Variants in PHYHIPL observed in about 807,000 individuals in gnomAD.
PHYHIPL encodes the protein phytanoyl-CoA 2-hydroxylase interacting protein like, also known as phytanoyl-CoA hydroxylase-interacting protein-like.
A neutral mutation model predicts 33.4 loss-of-function variants in PHYHIPL; 9 were observed. The observed-to-expected ratio is 0.27, with a 90% CI of 0.16 to 0.47. The LOEUF (loss-of-function observed/expected upper bound fraction) is 0.47, where lower values mean the gene tolerates loss of function less well. PHYHIPL is among the 20% of genes least tolerant of loss of function. The pLI is 0.99. For synonymous variants in PHYHIPL, 153 were observed against 154.1 expected (o/e 0.99, Z 0.05); for missense variants, 365 against 460.7 (o/e 0.79, Z 1.90).
intron 1 of PHYHIPL, among the ~76,000 whole-genome samples, chr10:59,201,036 G>GT (rs1263047735): frequency 6.6e-6 from 1 of 152,110 alleles, no homozygotes; most frequent in East Asian, 1.9e-4. Context: ...ATTTCGAAGG[G>GT]TTTTTTGTGT....
At chr10:59,208,884 A>G (rs2133234025) in intron 1 of PHYHIPL, among the ~76,000 whole-genome samples, 1 of 152,222 alleles carries the variant, frequency 6.6e-6, no homozygotes, top group East Asian at 1.9e-4. Flanking sequence ...AGAAAAAAGA[A>G]CGAAAAGGAA....
At chr10:59,185,912 T>C (rs1161786043) in intron 1 of PHYHIPL, among the ~76,000 whole-genome samples, 5 of 152,262 alleles carry the variant, frequency 3.3e-5, no homozygotes, top group Admixed American at 1.3e-4. Context: ...CCATTCTGTA[T>C]GTTGCCTGTT....
At chr10:59,231,643 A>G (rs527947911) in intron 1 of PHYHIPL, among the ~76,000 whole-genome samples, 1 of 152,270 alleles carries the variant, frequency 6.6e-6, no homozygotes, top group South Asian at 2.1e-4. Context: ...GATTTAACAC[A>G]GTACTTTCAG....
intron 1 of PHYHIPL, among the ~76,000 whole-genome samples, chr10:59,177,816 C>T (rs1483708627): frequency 6.6e-6 from 1 of 152,138 alleles, no homozygotes; most frequent in Non-Finnish European, 1.5e-5. Flanking sequence ...TGGTACAAAA[C>T]TTCATTTGTA....
intron 1 of PHYHIPL, among the ~76,000 whole-genome samples, chr10:59,204,555 T>A (rs1306991058): frequency 6.6e-6 from 1 of 152,210 alleles, no homozygotes; most frequent in African/African-American, 2.4e-5. Context: ...TTCATTCCCA[T>A]GTCAACTAGG....
intron 1 of PHYHIPL, among the ~76,000 whole-genome samples, chr10:59,194,537 CTGA>C (rs1170856241): frequency 1.3e-5 from 2 of 152,032 alleles, no homozygotes; most frequent in Non-Finnish European, 2.9e-5. Flanking sequence ...CTGTGAAATG[CTGA>C]TGTGCCATAT....
chr10:59,242,656 A>G (rs943941947), intron 4 of PHYHIPL, among the ~76,000 whole-genome samples: 4 of 152,208 alleles, frequency 2.6e-5, no homozygotes, highest in African/African-American at 2.4e-5. Context: ...CAAGAAGCAC[A>G]TACTAACACA....
chr10:59,214,789 C>G (rs1036426052), intron 1 of PHYHIPL, among the ~76,000 whole-genome samples: 5 of 151,868 alleles, frequency 3.3e-5, no homozygotes, highest in African/African-American at 1.2e-4. Context: ...AAAGATCAAC[C>G]CAATAGGAAT....
At chr10:59,200,652 C>G (rs961117859) in intron 1 of PHYHIPL, among the ~76,000 whole-genome samples, 2 of 152,084 alleles carry the variant, frequency 1.3e-5, no homozygotes, top group African/African-American at 4.8e-5. Flanking sequence ...CTCCTTGTAC[C>G]TCTGGTAGAA....
intron 1 of PHYHIPL, among the ~76,000 whole-genome samples, chr10:59,196,690 T>G (rs1698544555): frequency 6.6e-6 from 1 of 152,224 alleles, no homozygotes; most frequent in Non-Finnish European, 1.5e-5. Context: ...AGTGTGGTAT[T>G]ACACGTGTGA....
rs1838260624 is a variant in PHYHIPL, at chr10:59,176,721, C to T, written c.-133C>T. 2 of 782,956 alleles carry T rather than the reference C, an allele frequency of 2.6e-6. No individual in the cohort carries two copies. Among genetic ancestry groups the T allele is most frequent in the Admixed American group, 2.9e-5 (1 of 35,048 alleles). The allele number at this position is 782,956 out of a possible 1,614,324, so 48.5% of individuals were successfully genotyped here. ...CTCCAGCCCCGCGCCTCAGCCTCGG[C>T]GCCGCATCACCGCGTCCCAGGCCTC... is the stretch of plus-strand genomic sequence containing the variant. On this transcript the variant is annotated 5_prime_UTR_variant, in exon 1 of 5. Coordinates refer to ENST00000373880, the MANE Select transcript of PHYHIPL (RefSeq NM_032439.4).
intron 1 of PHYHIPL, among the ~76,000 whole-genome samples, chr10:59,215,781 A>G (rs1839597466): frequency 6.6e-6 from 1 of 151,954 alleles, no homozygotes; most frequent in South Asian, 2.1e-4. Context: ...TGGAAGGAGT[A>G]GCTTTTTAAA....
chr10:59,196,357 A>G (rs1389183726), intron 1 of PHYHIPL, among the ~76,000 whole-genome samples: 2 of 148,138 alleles, frequency 1.4e-5, no homozygotes, highest in Admixed American at 6.7e-5. Flanking sequence ...ATATATTAGT[A>G]TATATATATA....
At position 59,215,004 on chromosome 10, in the gene PHYHIPL, T is replaced by A. The variant is rs561520428; in HGVS notation, c.107-19300T>A. Among the ~76,000 whole-genome samples, 16 of 152,172 alleles carry A rather than the reference T, an allele frequency of 1.1e-4. No individual in the cohort carries two copies. In the South Asian group the frequency reaches 1.4e-3, roughly 14 times the overall value. ...GAGAATTGAGGGCTGGGTGTTGAAG[T>A]AAGTAGTATACTTTTCACATTACAC... is the stretch of plus-strand genomic sequence containing the variant. On this transcript the variant is annotated intron_variant, in intron 1 of 4. Transcript: ENST00000373880.
chr10:59,183,611 A>G (rs1838475143), intron 1 of PHYHIPL: 2 of 977,918 alleles, frequency 2.0e-6, no homozygotes, highest in Admixed American at 6.1e-5. Context: ...GATGAAATAA[A>G]TCTACAACCA....
At chr10:59,181,706 A>G (rs768464117) in intron 1 of PHYHIPL, among the ~76,000 whole-genome samples, 1 of 152,224 alleles carries the variant, frequency 6.6e-6, no homozygotes, top group Non-Finnish European at 1.5e-5. Flanking sequence ...GTATGAAACA[A>G]AACAAAAATA....
chr10:59,210,563 A>G (rs569862815), intron 1 of PHYHIPL, among the ~76,000 whole-genome samples: 2 of 152,332 alleles, frequency 1.3e-5, no homozygotes, highest in East Asian at 1.9e-4. Flanking sequence ...TAACCCAGCA[A>G]TCCCATTATT....
At chr10:59,237,308 T>C (rs1045129626) in intron 3 of PHYHIPL, among the ~76,000 whole-genome samples, 1 of 152,016 alleles carries the variant, frequency 6.6e-6, no homozygotes, top group Non-Finnish European at 1.5e-5. Flanking sequence ...CTCATATATT[T>C]ATTGTTTACT....
chr10:59,227,730 A>G (rs1303624644), intron 1 of PHYHIPL, among the ~76,000 whole-genome samples: 1 of 152,160 alleles, frequency 6.6e-6, no homozygotes, highest in Non-Finnish European at 1.5e-5. Flanking sequence ...CAAGAAGGCA[A>G]AAACAAAATA....
Sources: allele counts gnomAD v4.1 joint callset (sites outside exome capture counted in the v4.1 genomes callset), GRCh38; gene constraint gnomAD v4.1.1; transcripts MANE v1.5; gene names NCBI Gene and HGNC (gene_info 2026-07-23, HGNC 2026-07-21).